The following NRAP variants were observed in gnomAD, a reference collection of about 807,000 sequenced individuals.
The protein encoded by NRAP is nebulin related anchoring protein, also known as nebulin-related-anchoring protein.
Under a neutral mutation model 225.9 loss-of-function variants are expected in NRAP, and 189 were observed. That is an observed-to-expected ratio of 0.84 (90% CI 0.74 to 0.94). The LOEUF is 0.94. NRAP is among the 40% of genes least tolerant of loss of function. NRAP has a pLI of 0.00. For missense variants in NRAP, 2,176 were observed against 2,168.7 expected (o/e 1.00, Z -0.07); for synonymous variants, 769 against 790.7 (o/e 0.97, Z 0.46).
chr10:113,626,210 T>A, intron 20 of NRAP, 65 bp from the exon 21 acceptor site: 1 of 991,786 alleles, frequency 1.0e-6, no homozygotes, highest in Non-Finnish European at 1.5e-6. Context: ...CCTACTCATG[T>A]GCCCCCACAC....
rs538852672 is a variant in NRAP at position 113,596,882 on chromosome 10, G to A, written c.4431+204C>T. 2.6e-5 allele frequency among the ~76,000 whole-genome samples: 4 copies of A among 152,248 alleles called. No homozygotes were observed. In the South Asian group the frequency reaches 6.2e-4, roughly 24 times the overall value. Reference sequence around the variant, plus strand: ...GAAACCCCAACCTCCTTCAAATAAAGGGACCAAGGTTAGAAGGGATTCAGC... The same window carrying A: ...GAAACCCCAACCTCCTTCAAATAAAAGGACCAAGGTTAGAAGGGATTCAGC... On this transcript the variant is annotated intron_variant, in intron 37 of 41. Coordinates refer to ENST00000359988, the MANE Select transcript of NRAP (RefSeq NM_198060.4).
Position 113,629,725 on chromosome 10 carries a change from C to G in NRAP, c.1903G>C (p.Val635Leu), listed in dbSNP as rs752881257. Reference sequence around the variant, plus strand: ...GCCTTCTTAGCATGCCTGATGTTTACCATATCCATGGGCAGGTGAAACCGG... The same window carrying G: ...GCCTTCTTAGCATGCCTGATGTTTAGCATATCCATGGGCAGGTGAAACCGG... ...KTRFHLPMDM[V>L]NIRHAKKAQT... Residue 635 changes from valine (V) to leucine (L), a missense_variant, in exon 19 of 42, where the codon GTA (valine) becomes CTA (leucine). Around this residue, in one of 3 missense-constraint regions of NRAP, gnomAD observed 1,708 missense variants for 1,695.5 expected, o/e 1.01. Transcript: ENST00000359988. 1.6e-5 allele frequency: 26 copies of G among 1,613,862 alleles called. No homozygotes were observed. The highest frequency in any genetic ancestry group is 2.1e-5 in the Non-Finnish European group (25 of 1,179,864).
chr10:113,657,110 C>A (rs1437808645), intron 4 of NRAP, among the ~76,000 whole-genome samples: 2 of 152,044 alleles, frequency 1.3e-5, no homozygotes, highest in African/African-American at 4.8e-5. Flanking sequence ...GGAAAGCAGC[C>A]ACCTTGGGAG....
intron 25 of NRAP, among the ~76,000 whole-genome samples, chr10:113,619,588 T>G (rs1452722045): frequency 6.7e-6 from 1 of 148,768 alleles, no homozygotes; most frequent in Non-Finnish European, 1.5e-5. Context: ...GTCTTTCTAT[T>G]TTAACTATAG....
intron 10 of NRAP, among the ~76,000 whole-genome samples, chr10:113,646,668 C>G (rs373260812): frequency 2.6e-5 from 4 of 152,338 alleles, no homozygotes; most frequent in African/African-American, 7.2e-5. Flanking sequence ...TCCTAACACC[C>G]CACTCTGGCT....
chr10:113,662,823 G>A, intron 2 of NRAP, 57 bp from the exon 3 acceptor site: 3 of 745,428 alleles, frequency 4.0e-6, no homozygotes, highest in Non-Finnish European at 2.2e-6. Flanking sequence ...AATGATTGAG[G>A]GACTATTCTT....
At chr10:113,644,105 C>T (rs1849361785) in intron 11 of NRAP, among the ~76,000 whole-genome samples, 1 of 129,856 alleles carries the variant, frequency 7.7e-6, no homozygotes, top group Non-Finnish European at 1.6e-5. Context: ...TGAGACTGCG[C>T]CATTGCACTC....
intron 39 of NRAP, among the ~76,000 whole-genome samples, chr10:113,591,415 T>C (rs1280477055): frequency 5.9e-5 from 9 of 152,250 alleles, no homozygotes; most frequent in Admixed American, 5.9e-4. Flanking sequence ...GGCTAGTATG[T>C]AGCAGTACCA....
chr10:113,652,914 A>G, intron 6 of NRAP, 21 bp downstream of exon 6: 1 of 1,553,042 alleles, frequency 6.4e-7, no homozygotes, highest in Non-Finnish European at 8.8e-7. Flanking sequence ...ATCAATGGTG[A>G]AAAAGCACCC....
Position 113,645,811 on chromosome 10 carries a change from TC to T in NRAP, c.1110+13del. ...AGGTGATGCTCATGGGTGTGACTCT[TC>T]CCCCATACGCACCTCACTCACGAGT... On this transcript the variant is annotated intron_variant, in intron 11 of 41. Transcript: ENST00000359988. The T allele has an allele frequency of 7.8e-7, 1 of 1,286,142 alleles. No individual in the cohort carries two copies. Among genetic ancestry groups the T allele is most frequent in the South Asian group, 1.2e-5 (1 of 81,274 alleles). 79.7% of individuals were successfully genotyped at this position (1,286,142 alleles called of 1,614,324 possible).
chr10:113,616,229 C>T (rs80147902), intron 26 of NRAP, among the ~76,000 whole-genome samples: 1,550 of 152,278 alleles, frequency 0.01, 12 homozygotes, highest in Middle Eastern at 0.017. Context: ...AATCCTCCTC[C>T]GTTCCCCCGT....
intron 15 of NRAP, 38 bp downstream of exon 15, chr10:113,634,074 A>G (rs777725179): frequency 2.6e-5 from 36 of 1,409,690 alleles, no homozygotes; most frequent in Non-Finnish European, 3.4e-5. Flanking sequence ...AGCAATTTCA[A>G]GACCCCTACA....
rs113894579 is a variant in NRAP at position 113,604,608 on chromosome 10, C to T, written c.4227+1G>A. ...TTTGCATTCCACAAGGCCACCCCTA[C>T]CTCACTCTGCAGGGCATGGGCTTTC... On this transcript the variant is annotated splice_donor_variant, in intron 35 of 41. Coordinates refer to ENST00000359988, the MANE Select transcript of NRAP (RefSeq NM_198060.4). LOFTEE classifies it high-confidence loss of function. The T allele has an allele frequency of 1.2e-6, 2 of 1,611,490 alleles. No individual in the cohort carries two copies. Among genetic ancestry groups the T allele is most frequent in the East Asian group, 2.2e-5 (1 of 44,798 alleles).
chr10:113,639,943 A>C (rs1849103597), intron 14 of NRAP, among the ~76,000 whole-genome samples: 1 of 152,242 alleles, frequency 6.6e-6, no homozygotes, highest in Non-Finnish European at 1.5e-5. Flanking sequence ...AAATGTGCCC[A>C]GCAGGCAAAG....
intron 16 of NRAP, among the ~76,000 whole-genome samples, chr10:113,632,434 A>T (rs1365369118): frequency 1.3e-5 from 2 of 152,230 alleles, no homozygotes; most frequent in Non-Finnish European, 2.9e-5. Context: ...CTACTCATTA[A>T]CCACAAATCT....
intron 25 of NRAP, 64 bp downstream of exon 25, chr10:113,620,540 T>G (rs1246733957): frequency 9.0e-7 from 1 of 1,113,846 alleles, no homozygotes; most frequent in Non-Finnish European, 1.4e-6. Flanking sequence ...TTATTTTAAT[T>G]TTATACAGAG....
intron 37 of NRAP, 62 bp from the exon 38 acceptor site, chr10:113,595,789 A>G: frequency 9.0e-7 from 1 of 1,116,270 alleles, no homozygotes; most frequent in South Asian, 1.3e-5. Context: ...ACAGGGGAAT[A>G]GCAACTGACT....
At position 113,592,278 on chromosome 10, in the gene NRAP, C is replaced by T. The variant is rs879219597; in HGVS notation, c.4560G>A (p.Glu1520=). The T allele has an allele frequency of 1.2e-6, 2 of 1,612,372 alleles. No individual in the cohort carries two copies. The highest frequency in any genetic ancestry group is 8.5e-7 in the Non-Finnish European group (1 of 1,179,014). Reference sequence around the variant, plus strand: ...AGTCATAACTGCCAGCCCGGGTCTGCTCCCAGGAGTTTCTGTAGACTTTCT... The same window carrying T: ...AGTCATAACTGCCAGCCCGGGTCTGTTCCCAGGAGTTTCTGTAGACTTTCT... ...LSDKVYRNSW[E]QTRAGSYDFR... is the part of the protein sequence containing the mutation. Residue 1520 remains glutamate, a synonymous_variant, in exon 39 of 42, where the codon GAG becomes GAA. Transcript: ENST00000359988.
At chr10:113,607,123 C>G (rs1847017194) in intron 32 of NRAP, among the ~76,000 whole-genome samples, 2 of 151,992 alleles carry the variant, frequency 1.3e-5, no homozygotes, top group African/African-American at 4.8e-5. Flanking sequence ...ATTGCTTGAA[C>G]CCAGGAGGCA....
Sources: allele counts gnomAD v4.1 joint callset (sites outside exome capture counted in the v4.1 genomes callset), GRCh38; gene constraint gnomAD v4.1.1; regional missense constraint gnomAD v4.1.1; transcripts MANE v1.5; gene names NCBI Gene and HGNC (gene_info 2026-07-23, HGNC 2026-07-21).